Variants in SESN2 observed in about 807,000 individuals in gnomAD.
SESN2 encodes sestrin-2.
Under a neutral mutation model 56.0 loss-of-function variants are expected in SESN2, and 42 were observed. The observed-to-expected ratio is 0.75, with a 90% CI of 0.59 to 0.97. The LOEUF (loss-of-function observed/expected upper bound fraction) is 0.97, where lower values mean the gene tolerates loss of function less well. Among genes scored for constraint, SESN2 ranks in the 50% least tolerant of loss-of-function variants. The pLI is 0.00. For synonymous variants in SESN2, 264 were observed against 267.1 expected (o/e 0.99, Z 0.11); for missense variants, 507 against 649.4 (o/e 0.78, Z 2.38).
chr1:28,273,273 G>T (rs900091428), intron 5 of SESN2, 85 bp from the exon 6 acceptor site: 3 of 1,345,916 alleles, frequency 2.2e-6, no homozygotes, highest in East Asian at 5.0e-5. Flanking sequence ...GCATTAGGAA[G>T]GCCTGGCCTC....
In SESN2 at chr1:28,271,841, CA is replaced by C; in HGVS notation, c.325del (p.Ser109AlafsTer21). On this transcript the variant is annotated frameshift_variant, in exon 3 of 10. Coordinates refer to ENST00000253063, the MANE Select transcript of SESN2 (RefSeq NM_031459.5). LOFTEE classifies it high-confidence loss of function. ...LLLHTDGPLA[S>X]SWRHYIAIMA... ...TGCTGCACACGGATGGTCCCTTGGCCAGCTCCTGGCGCCACTACATTGCCAT... is the reference window on the plus strand; with the variant it reads ...TGCTGCACACGGATGGTCCCTTGGCCGCTCCTGGCGCCACTACATTGCCAT... The C allele has an allele frequency of 1.9e-6, 3 of 1,614,212 alleles. No homozygotes were observed. The highest frequency in any genetic ancestry group is 2.5e-6 in the Non-Finnish European group (3 of 1,180,034).
intron 2 of SESN2, among the ~76,000 whole-genome samples, chr1:28,270,730 G>T (rs945969562): frequency 6.6e-6 from 1 of 152,102 alleles, no homozygotes; most frequent in Non-Finnish European, 1.5e-5. Context: ...GAGCCACCAC[G>T]CCCAGCTAAT....
At position 28,269,229 on chromosome 1, in the gene SESN2, C is replaced by T. The variant is rs771055379; in HGVS notation, c.137C>T (p.Ala46Val). 10 of 1,612,514 alleles carry T rather than the reference C, an allele frequency of 6.2e-6. No homozygotes were observed. Among genetic ancestry groups the T allele is most frequent in the South Asian group, 2.2e-5 (2 of 90,738 alleles). ...CGGCGAGGCCCTCGAGGGCCCAGCG[C>T]CTTCATCCCCGTGGAGGAGGTAAGC... ...RARRGPRGPS[A>V]FIPVEEVLRE... The change falls in exon 2 of 10, where the codon GCC becomes GTC. Residue 46 changes from alanine to valine, a missense_variant. Ala to Val is a moderately conservative substitution (Grantham distance 64). Transcript: ENST00000253063.
chr1:28,272,408 G>A lies in SESN2; in HGVS notation c.479G>A (p.Ser160Asn), dbSNP rs754474817. ...GCCCCCGAGAAGCTGCGCAAACTCA[G>A]CGAGATCAACAAGTTGCTGGCGCAT... The part of the protein sequence containing the change: ...HRAPEKLRKL[S>N]EINKLLAHRP... The change falls in exon 4 of 10, where the codon AGC becomes AAC. Residue 160 changes from serine to asparagine, a missense_variant. By Grantham distance (46) the Ser-to-Asn change is conservative. Coordinates refer to ENST00000253063, the MANE Select transcript of SESN2 (RefSeq NM_031459.5). The A allele has an allele frequency of 4.3e-5, 69 of 1,613,368 alleles. No homozygotes were observed. The South Asian group carries it at 7.4e-4, about 17-fold the overall frequency.
intron 1 of SESN2, among the ~76,000 whole-genome samples, chr1:28,263,941 C>T (rs909370466): frequency 6.6e-6 from 1 of 151,906 alleles, no homozygotes. Context: ...AATTAGGATC[C>T]ATGCCAGGCA....
chr1:28,279,954 A>T (rs1405994534), intron 9 of SESN2, among the ~76,000 whole-genome samples: 2 of 152,090 alleles, frequency 1.3e-5, no homozygotes, highest in African/African-American at 2.4e-5. Flanking sequence ...CCTAGGCTCA[A>T]GTGTCCTCCC....
At chr1:28,266,428 C>T (rs746031190) in intron 1 of SESN2, among the ~76,000 whole-genome samples, 1 of 152,112 alleles carries the variant, frequency 6.6e-6, no homozygotes, top group Non-Finnish European at 1.5e-5. Context: ...AAATCCTCAT[C>T]ACTGGCCAGT....
intron 8 of SESN2, among the ~76,000 whole-genome samples, chr1:28,278,622 C>T (rs1244628944): frequency 6.6e-6 from 1 of 152,196 alleles, no homozygotes; most frequent in Non-Finnish European, 1.5e-5. Flanking sequence ...GCTAAGCTTT[C>T]TGCAACTCTG....
In SESN2 at chr1:28,278,990, T is replaced by G. The variant is rs964834053; in HGVS notation, c.1212-107T>G. ...TAGGCTTCTTGTTGCTTCTACCTTCTGATTTTTCTCAACACTCTGTTCTTC... is the reference window on the plus strand; with the variant it reads ...TAGGCTTCTTGTTGCTTCTACCTTCGGATTTTTCTCAACACTCTGTTCTTC... On this transcript the variant is annotated intron_variant, in intron 8 of 9. Transcript: ENST00000253063. 2.6e-5 allele frequency: 29 copies of G among 1,115,184 alleles called. No homozygotes were observed. The South Asian group carries it at 3.8e-4, about 14-fold the overall frequency. 69.1% of individuals were successfully genotyped at this position (1,115,184 alleles called of 1,614,324 possible). A position where few individuals can be genotyped will look rare whatever the true frequency, so the allele number is the denominator to read the frequency against.
chr1:28,272,251 G>T, intron 3 of SESN2, 33 bp from the exon 4 acceptor site: 5 of 1,606,986 alleles, frequency 3.1e-6, no homozygotes, highest in Non-Finnish European at 4.3e-6. Flanking sequence ...AAAAGGAGGA[G>T]GGTGACTCAG....
intron 2 of SESN2, among the ~76,000 whole-genome samples, chr1:28,269,784 T>G (rs1232265275): frequency 6.6e-6 from 1 of 152,212 alleles, no homozygotes; most frequent in Non-Finnish European, 1.5e-5. Flanking sequence ...CAACGTGTTT[T>G]TTTGTTTTGT....
intron 4 of SESN2, 24 bp from the exon 5 acceptor site, chr1:28,272,557 G>C (rs1026941333): frequency 3.1e-6 from 5 of 1,613,096 alleles, no homozygotes; most frequent in Admixed American, 3.3e-5. Flanking sequence ...GAGCAGCTCT[G>C]ACCTCCCCCC....
In SESN2 at chr1:28,281,799, A is replaced by C. The variant is rs1254791810; in HGVS notation, c.*997A>C. On this transcript the variant is annotated 3_prime_UTR_variant, in exon 10 of 10. Transcript: ENST00000253063. ...CTTGTTTGGACCCTGCCCCTGGGCC[A>C]TGGCCAGGTGACCATGGCTACATTG... 2.6e-5 allele frequency: 4 copies of C among 152,224 alleles called. No homozygotes were observed. The highest frequency in any genetic ancestry group is 5.9e-5 in the Non-Finnish European group (4 of 68,102). The allele number at this position is 152,224 out of a possible 1,614,324, so 9.4% of individuals were successfully genotyped here. A position where few individuals can be genotyped will look rare whatever the true frequency, so the allele number is the denominator to read the frequency against.
chr1:28,260,563 T>TG (rs1218172279), intron 1 of SESN2, among the ~76,000 whole-genome samples: 1 of 152,088 alleles, frequency 6.6e-6, no homozygotes, highest in East Asian at 1.9e-4. Context: ...CAGCCAAAGC[T>TG]GGGGGGAGAG....
In SESN2 at chr1:28,273,510, T is replaced by A; in HGVS notation, c.901+2T>A. 6.3e-7 allele frequency: 1 copy of A among 1,597,870 alleles called. No homozygotes were observed. Among genetic ancestry groups the A allele is most frequent in the Non-Finnish European group, 8.5e-7 (1 of 1,172,742 alleles). On this transcript the variant is annotated splice_donor_variant, in intron 6 of 9. Transcript: ENST00000253063. LOFTEE classifies it high-confidence loss of function. ...AGAGCCTGCTGGTGACCCCCTCAGG[T>A]ACAGGGTCACAGGCATCCAGGCTCC...
Position 28,271,998 on chromosome 1 carries a change from CTG to C in SESN2, c.354+129_354+130del, listed in dbSNP as rs890222449. ...CAGGGAAAGCCCTGGCTTTATCTAACTGTAGAGTTTTGGGTTTTTTGTTTTTA... is the reference window on the plus strand; with the variant it reads ...CAGGGAAAGCCCTGGCTTTATCTAACTAGAGTTTTGGGTTTTTTGTTTTTA... On this transcript the variant is annotated intron_variant, in intron 3 of 9. Coordinates refer to ENST00000253063, the MANE Select transcript of SESN2 (RefSeq NM_031459.5). 8 of 986,114 alleles carry C rather than the reference CTG, an allele frequency of 8.1e-6. No homozygotes were observed. The Admixed American group carries it at 1.3e-4, about 16-fold the overall frequency. 61.1% of individuals were successfully genotyped at this position (986,114 alleles called of 1,614,324 possible).
intron 1 of SESN2, among the ~76,000 whole-genome samples, chr1:28,260,632 G>A (rs1168904446): frequency 1.3e-5 from 2 of 152,180 alleles, no homozygotes; most frequent in Admixed American, 6.5e-5. Flanking sequence ...GCCCTGCTAA[G>A]TAAGTGGTCT....
chr1:28,268,906 A>G (rs913575686), intron 1 of SESN2, among the ~76,000 whole-genome samples: 46 of 152,266 alleles, frequency 3.0e-4, no homozygotes, highest in African/African-American at 9.4e-4. Flanking sequence ...CATGATGGCT[A>G]TATAGTTCCT....
intron 8 of SESN2, among the ~76,000 whole-genome samples, chr1:28,278,489 C>T (rs1648125315): frequency 6.6e-6 from 1 of 152,214 alleles, no homozygotes; most frequent in Non-Finnish European, 1.5e-5. Flanking sequence ...ATTGCTTGAA[C>T]TCAGGAGGCT....
Sources: allele counts gnomAD v4.1 joint callset (sites outside exome capture counted in the v4.1 genomes callset), GRCh38; gene constraint gnomAD v4.1.1; transcripts MANE v1.5; gene names NCBI Gene and HGNC (gene_info 2026-07-23, HGNC 2026-07-21).